The following MX2 variants were observed in gnomAD, a reference collection of about 807,000 sequenced individuals.
The protein encoded by MX2 is interferon-induced GTP-binding protein Mx2.
In MX2, 51 loss-of-function variants were observed where a neutral mutation model predicts 74.0. The observed-to-expected ratio is 0.69, with a 90% CI of 0.55 to 0.87. The LOEUF (loss-of-function observed/expected upper bound fraction) is 0.87. Ranked by LOEUF, MX2 falls within the 40% of genes least tolerant of loss-of-function variation. The pLI is 0.00. For synonymous variants in MX2, 369 were observed against 339.3 expected (o/e 1.09, Z -0.96); for missense variants, 832 against 908.7 (o/e 0.92, Z 1.09).
At chr21:41,381,783 A>G (rs2089498855) in intron 4 of MX2, among the ~76,000 whole-genome samples, 1 of 152,114 alleles carries the variant, frequency 6.6e-6, no homozygotes, top group Non-Finnish European at 1.5e-5. Flanking sequence ...GCTGGTGGGA[A>G]TGTAAGTTGG....
chr21:41,363,038 C>T lies in MX2; in HGVS notation c.-72+983C>T, dbSNP rs529563506. 6.6e-6 allele frequency among the ~76,000 whole-genome samples: 1 copy of T among 152,046 alleles called. No homozygotes were observed. The highest frequency in any genetic ancestry group is 1.5e-5 in the Non-Finnish European group (1 of 68,000). On this transcript the variant is annotated intron_variant, in intron 1 of 13. Transcript: ENST00000330714. The surrounding 1 kb of genome is among the most constrained non-coding windows in gnomAD (Gnocchi z 4.2). ...CCTCCCAAAGCACTGGGATTACAGG[C>T]GTAAGCCACCCCATTCGGCTTTGAT...
At chr21:41,364,043 G>C (rs1427063247) in intron 1 of MX2, 1 of 154,372 alleles carries the variant, frequency 6.5e-6, no homozygotes, top group East Asian at 1.9e-4. Flanking sequence ...TGAGAATTTG[G>C]GGGGATGATA....
rs759310607 is a variant in MX2, at chr21:41,395,698, G to A, written c.983G>A (p.Arg328Gln). The A allele has an allele frequency of 4.6e-5, 74 of 1,614,180 alleles. No individual in the cohort carries two copies. Among genetic ancestry groups the A allele is most frequent in the Non-Finnish European group, 6.0e-5 (71 of 1,180,042 alleles). ...AAGGGCTACATGATTGTGAAGTGCCGGGGCCAGCAGGAGATCACAAACAGG... is the reference window on the plus strand; with the variant it reads ...AAGGGCTACATGATTGTGAAGTGCCAGGGCCAGCAGGAGATCACAAACAGG... ...LKKGYMIVKCRGQQEITNRLS... is the reference protein window; with the variant it reads ...LKKGYMIVKCQGQQEITNRLS... Residue 328 changes from arginine (R) to glutamine (Q), a missense_variant, in exon 7 of 14, where the codon CGG becomes CAG. By Grantham distance (43) the Arg-to-Gln change is conservative. Coordinates refer to ENST00000330714, the MANE Select transcript of MX2 (RefSeq NM_002463.2).
In MX2 at chr21:41,377,012, T is replaced by C. The variant is rs1435545009; in HGVS notation, c.106T>C (p.Phe36Leu). The change falls in exon 2 of 14, where the codon TTC becomes CTC. Residue 36 changes from phenylalanine to leucine, a missense_variant. Phe to Leu is a conservative substitution (Grantham distance 22). Transcript: ENST00000330714. ...MNSFQQQPPP[F>L]GTVPPQMMFP... ...TTCCTTCCAGCAACAGCCACCGCCA[T>C]TCGGCACAGTGCCACCACAAATGAT... The C allele has an allele frequency of 2.5e-6, 4 of 1,614,072 alleles. No individual in the cohort carries two copies. In the African/African-American group the frequency reaches 4.0e-5, roughly 16 times the overall value.
chr21:41,399,484 A>G, intron 10 of MX2, 147 bp downstream of exon 10: 1 of 835,720 alleles, frequency 1.2e-6, no homozygotes, highest in Non-Finnish European at 1.8e-6. Flanking sequence ...TCTCTCAACG[A>G]ACAAAACCCA....
In MX2 at chr21:41,402,259, G is replaced by T. The variant is rs956727958; in HGVS notation, c.1573+131G>T. On this transcript the variant is annotated intron_variant, in intron 11 of 13. Transcript: ENST00000330714. The surrounding 1 kb of genome is among the most constrained non-coding windows in gnomAD (Gnocchi z 4.5). ...GACACGCTCACTGGTGTGCTAGATT[G>T]CTACTCTGTGTGGTCTGTGAGCCAG... is the stretch of plus-strand genomic sequence containing the variant. 9 of 1,100,214 alleles carry T rather than the reference G, an allele frequency of 8.2e-6. No homozygotes were observed. The highest frequency in any genetic ancestry group is 1.1e-5 in the Non-Finnish European group (9 of 786,748). The allele number at this position is 1,100,214 out of a possible 1,614,324, so 68.2% of individuals were successfully genotyped here.
chr21:41,377,160 G>A lies in MX2; in HGVS notation c.249+5G>A, dbSNP rs369327039. 2.0e-5 allele frequency: 33 copies of A among 1,613,510 alleles called. No homozygotes were observed. Among genetic ancestry groups the A allele is most frequent in the Non-Finnish European group, 2.7e-5 (32 of 1,179,632 alleles). ...AGGAGCCAACCAAGGGCAATGGTAA[G>A]CCCGGTGGAGGGACGTTCAGAAAGG... On this transcript the variant is annotated splice_donor_5th_base_variant and intron_variant, in intron 2 of 13. Transcript: ENST00000330714.
rs962137840 is a variant in MX2 at position 41,408,414 on chromosome 21, C to T, written c.*181C>T. ...GTCCACACAGGCTCAGCTCTCTCCACCACCCAGCTCTTCCCTGACCTTCAC... is the reference window on the plus strand; with the variant it reads ...GTCCACACAGGCTCAGCTCTCTCCATCACCCAGCTCTTCCCTGACCTTCAC... On this transcript the variant is annotated 3_prime_UTR_variant, in exon 14 of 14. Coordinates refer to ENST00000330714, the MANE Select transcript of MX2 (RefSeq NM_002463.2). 2.5e-6 allele frequency: 2 copies of T among 790,518 alleles called. No homozygotes were observed. Among genetic ancestry groups the T allele is most frequent in the African/African-American group, 1.7e-5 (1 of 57,258 alleles). 49.0% of individuals were successfully genotyped at this position (790,518 alleles called of 1,614,324 possible). A position where few individuals can be genotyped will look rare whatever the true frequency, so the allele number is the denominator to read the frequency against.
intron 5 of MX2, among the ~76,000 whole-genome samples, chr21:41,383,031 G>A (rs1326231844): frequency 6.6e-6 from 1 of 152,218 alleles, no homozygotes; most frequent in Non-Finnish European, 1.5e-5. Flanking sequence ...TCAGCCAACA[G>A]CAGGGCTGTG....
intron 1 of MX2, among the ~76,000 whole-genome samples, chr21:41,373,594 C>T (rs2089355501): frequency 6.6e-6 from 1 of 152,154 alleles, no homozygotes; most frequent in African/African-American, 2.4e-5. Flanking sequence ...CCTTCAGCCC[C>T]ACAGCCAGCC....
chr21:41,390,519 A>G, intron 5 of MX2, 46 bp from the exon 6 acceptor site: 2 of 1,611,414 alleles, frequency 1.2e-6, no homozygotes, highest in East Asian at 2.2e-5. Flanking sequence ...CTGAGTGACC[A>G]GAAGTGAGAC....
chr21:41,389,249 T>G (rs1277385292), intron 5 of MX2, among the ~76,000 whole-genome samples: 1 of 150,918 alleles, frequency 6.6e-6, no homozygotes, highest in African/African-American at 2.4e-5. Flanking sequence ...GTGCTGTGGC[T>G]CATGCCTGTA....
chr21:41,376,781 C>T, intron 1 of MX2, 55 bp from the exon 2 acceptor site: 2 of 1,448,002 alleles, frequency 1.4e-6, no homozygotes. Flanking sequence ...AAAGTGCCAA[C>T]TCAGGGAGGA....
rs1300455641 is a variant in MX2 at position 41,388,642 on chromosome 21, C to A, written c.733-1923C>A. On this transcript the variant is annotated intron_variant, in intron 5 of 13. Transcript: ENST00000330714. The surrounding 1 kb of genome is among the most constrained non-coding windows in gnomAD (Gnocchi z 4.0). ...TCTCTGAACCCCAGGATGGGCCCCA[C>A]ACCTGGTGGGCACTGCTAATGTTTG... Among the ~76,000 whole-genome samples the A allele has an allele frequency of 6.6e-6, 1 of 152,172 alleles. No homozygotes were observed. The highest frequency in any genetic ancestry group is 6.5e-5 in the Admixed American group (1 of 15,280).
chr21:41,408,268 T>C lies in MX2; in HGVS notation c.*35T>C. On this transcript the variant is annotated 3_prime_UTR_variant, in exon 14 of 14. Transcript: ENST00000330714. ...ATGCCTGTGGTTGTTTTCTTGTGCG[T>C]ACTCATTCATTCTAAGGGGAGTCGG... The C allele has an allele frequency of 6.2e-7, 1 of 1,608,618 alleles. No individual in the cohort carries two copies. The highest frequency in any genetic ancestry group is 1.1e-5 in the South Asian group (1 of 90,528).
chr21:41,408,338 A>C lies in MX2; in HGVS notation c.*105A>C. ...TTTGGGGCCAAACTCTTCTGTCACTATCAGTGTCCATCTCTACTGTACTCC... is the reference window on the plus strand; with the variant it reads ...TTTGGGGCCAAACTCTTCTGTCACTCTCAGTGTCCATCTCTACTGTACTCC... On this transcript the variant is annotated 3_prime_UTR_variant, in exon 14 of 14. Transcript: ENST00000330714. 3.5e-6 allele frequency: 5 copies of C among 1,433,382 alleles called. No individual in the cohort carries two copies. The highest frequency in any genetic ancestry group is 4.7e-6 in the Non-Finnish European group (5 of 1,057,560). 88.8% of individuals were successfully genotyped at this position (1,433,382 alleles called of 1,614,324 possible). A position where few individuals can be genotyped will look rare whatever the true frequency, so the allele number is the denominator to read the frequency against.
chr21:41,405,701 C>CTTT (rs58741218), intron 12 of MX2, among the ~76,000 whole-genome samples: 20 of 133,780 alleles, frequency 1.5e-4, no homozygotes, highest in South Asian at 2.4e-4. Flanking sequence ...TCTTTCTTTC[C>CTTT]TTTTTTTTTT....
intron 7 of MX2, among the ~76,000 whole-genome samples, chr21:41,396,500 G>A (rs575087715): frequency 1.2e-4 from 19 of 152,022 alleles, no homozygotes; most frequent in African/African-American, 3.9e-4. Flanking sequence ...AATTTGGGCC[G>A]AGTAGGTCTA....
At chr21:41,385,401 C>T (rs2061056756) in intron 5 of MX2, among the ~76,000 whole-genome samples, 1 of 152,190 alleles carries the variant, frequency 6.6e-6, no homozygotes. Context: ...GCAGGTCTTT[C>T]CCGTGCTGTT....
Sources: allele counts gnomAD v4.1 joint callset (sites outside exome capture counted in the v4.1 genomes callset), GRCh38; gene constraint gnomAD v4.1.1; non-coding constraint Gnocchi (gnomAD v3.1); transcripts MANE v1.5; gene names NCBI Gene and HGNC (gene_info 2026-07-23, HGNC 2026-07-21).